The following NME7 variants were observed in gnomAD, a reference collection of about 807,000 sequenced individuals.
NME7 encodes the protein nucleoside diphosphate kinase 7.
A neutral mutation model predicts 49.1 loss-of-function variants in NME7; 41 were observed. The ratio of observed to expected loss-of-function variants is 0.83; its 90% CI spans 0.65 to 1.08. The LOEUF (loss-of-function observed/expected upper bound fraction) is 1.08, where lower values mean the gene tolerates loss of function less well. Among genes scored for constraint, NME7 ranks in the 50% least tolerant of loss-of-function variants. The pLI is 0.00. For synonymous variants in NME7, 139 were observed against 150.6 expected (o/e 0.92, Z 0.56); for missense variants, 423 against 463.4 (o/e 0.91, Z 0.80).
chr1:169,165,033 T>C (rs1424157414), intron 11 of NME7, among the ~76,000 whole-genome samples: 3 of 152,204 alleles, frequency 2.0e-5, no homozygotes, highest in East Asian at 1.9e-4. Context: ...TTTAAGATCA[T>C]TGTAGTTACA....
intron 5 of NME7, among the ~76,000 whole-genome samples, chr1:169,301,782 A>G (rs61808940): frequency 0.24 from 36,710 of 152,116 alleles, 5,468 homozygotes; most frequent in Non-Finnish European, 0.34. Context: ...TATGGACACA[A>G]TTGGAGGCCA....
chr1:169,242,025 A>T (rs1433265837), intron 7 of NME7, among the ~76,000 whole-genome samples: 1 of 151,974 alleles, frequency 6.6e-6, no homozygotes, highest in East Asian at 1.9e-4. Flanking sequence ...CTAGGCTCAA[A>T]CAATATTCCT....
chr1:169,269,166 C>T lies in NME7; in HGVS notation c.754+18137G>A, dbSNP rs2101871962. On this transcript the variant is annotated intron_variant, in intron 7 of 11. Transcript: ENST00000367811. ...AGATTCCTTCTAAATCAATAAATCA[C>T]CAGTTTTATTTAAAGTCCCTAAAAC... is the stretch of plus-strand genomic sequence containing the variant. Among the ~76,000 whole-genome samples the T allele has an allele frequency of 1.5e-5, 2 of 133,294 alleles. 1 individual carries two copies. The highest frequency in any genetic ancestry group is 4.6e-4 in the South Asian group (2 of 4,344). The allele number at this position is 133,294 out of a possible 152,430, so 87.4% of individuals were successfully genotyped here. A position where few individuals can be genotyped will look rare whatever the true frequency, so the allele number is the denominator to read the frequency against.
chr1:169,186,440 G>C (rs764738224), intron 10 of NME7, among the ~76,000 whole-genome samples: 10 of 152,098 alleles, frequency 6.6e-5, no homozygotes, highest in Non-Finnish European at 1.3e-4. Flanking sequence ...CTAAATTTCA[G>C]AACTTGTTAT....
At chr1:169,211,446 A>G (rs1660816098) in intron 10 of NME7, among the ~76,000 whole-genome samples, 1 of 152,186 alleles carries the variant, frequency 6.6e-6, no homozygotes. Context: ...AATATAAGGT[A>G]AAAACTGTCA....
intron 1 of NME7, among the ~76,000 whole-genome samples, chr1:169,348,186 G>A (rs1653012702): frequency 6.6e-6 from 1 of 152,174 alleles, no homozygotes; most frequent in South Asian, 2.1e-4. Flanking sequence ...AGTGTTAGAA[G>A]TAGTGATCAT....
chr1:169,324,589 C>A (rs1467143025), intron 1 of NME7, 89 bp from the exon 2 acceptor site: 8 of 767,078 alleles, frequency 1.0e-5, no homozygotes, highest in African/African-American at 1.7e-5. Context: ...TACCAATATG[C>A]AAGAAACAAA....
At chr1:169,365,117 TA>T (rs1318079517) in intron 1 of NME7, among the ~76,000 whole-genome samples, 1 of 152,116 alleles carries the variant, frequency 6.6e-6, no homozygotes, top group East Asian at 1.9e-4. Context: ...CTGACTCTAC[TA>T]GTCCTATGAC....
At chr1:169,305,235 C>T (rs1651127489) in intron 4 of NME7, among the ~76,000 whole-genome samples, 1 of 152,194 alleles carries the variant, frequency 6.6e-6, no homozygotes. Context: ...AAGTGAATCA[C>T]TATCTAGAGA....
chr1:169,279,377 C>G (rs186520002), intron 7 of NME7, among the ~76,000 whole-genome samples: 1 of 152,344 alleles, frequency 6.6e-6, no homozygotes. Context: ...TTTACCTAAG[C>G]AAGCCTGGGC....
At chr1:169,338,984 A>T (rs911144581) in intron 1 of NME7, among the ~76,000 whole-genome samples, 12 of 152,230 alleles carry the variant, frequency 7.9e-5, no homozygotes, top group Admixed American at 2.0e-4. Flanking sequence ...TAATAAAATT[A>T]TGAAATTCTC....
At chr1:169,215,186 T>C (rs147065911) in intron 10 of NME7, among the ~76,000 whole-genome samples, 1 of 152,296 alleles carries the variant, frequency 6.6e-6, no homozygotes, top group East Asian at 1.9e-4. Context: ...CCCTCTCTCC[T>C]TGAAGTCAAG....
chr1:169,280,829 T>C (rs7522781), intron 7 of NME7, among the ~76,000 whole-genome samples: 38,313 of 139,050 alleles, frequency 0.28, 6,766 homozygotes, highest in Non-Finnish European at 0.35. Flanking sequence ...TGTTTTGGTA[T>C]AAGTACCATG....
intron 11 of NME7, among the ~76,000 whole-genome samples, chr1:169,160,123 T>TGTACAGAGAC (rs1659202508): frequency 6.6e-6 from 1 of 152,100 alleles, no homozygotes; most frequent in South Asian, 2.1e-4. Flanking sequence ...CACAGCTCTT[T>TGTACAGAGAC]CCCTGTTATT....
chr1:169,365,959 T>C (rs1653835244), intron 1 of NME7, among the ~76,000 whole-genome samples: 2 of 152,192 alleles, frequency 1.3e-5, no homozygotes, highest in Admixed American at 6.5e-5. Context: ...GGAGGAAAGA[T>C]AGCAAGTTCA....
intron 7 of NME7, among the ~76,000 whole-genome samples, chr1:169,237,953 C>T: frequency 6.6e-6 from 1 of 151,926 alleles, no homozygotes; most frequent in Non-Finnish European, 1.5e-5. Context: ...GCCTTTAAAG[C>T]CCCTGAAGTC....
At chr1:169,242,275 G>C (rs1019622056) in intron 7 of NME7, among the ~76,000 whole-genome samples, 1 of 151,728 alleles carries the variant, frequency 6.6e-6, no homozygotes, top group Admixed American at 6.6e-5. Context: ...GGCTAAGGAA[G>C]AAAAATCACA....
At chr1:169,213,485 A>T (rs972309136) in intron 10 of NME7, among the ~76,000 whole-genome samples, 2 of 152,162 alleles carry the variant, frequency 1.3e-5, no homozygotes, top group African/African-American at 4.8e-5. Context: ...TGGTTTAAAA[A>T]GTTGTATTAT....
chr1:169,262,997 C>T (rs531442200), intron 7 of NME7, among the ~76,000 whole-genome samples: 2 of 132,932 alleles, frequency 1.5e-5, no homozygotes, highest in African/African-American at 5.1e-5. Flanking sequence ...GGGCCTCCTG[C>T]AAGACCCAGG....
Sources: gnomAD v4.1 joint callset for allele counts (sites outside exome capture counted in the v4.1 genomes callset) on GRCh38, gnomAD v4.1.1 for gene constraint, MANE v1.5 for transcripts, NCBI Gene and HGNC (gene_info 2026-07-23, HGNC 2026-07-21) for gene names.